Variants in CGNL1 observed in about 807,000 individuals in gnomAD.
CGNL1 encodes cingulin like 1.
Under a neutral mutation model 141.2 loss-of-function variants are expected in CGNL1, and 132 were observed. The ratio of observed to expected loss-of-function variants is 0.93; its 90% CI spans 0.81 to 1.08. The LOEUF is 1.08. CGNL1 is among the 50% of genes least tolerant of loss of function. The probability of loss-of-function intolerance (pLI) is 0.00; values close to 1 mark genes in which losing one functional copy is unlikely to be tolerated. For synonymous variants in CGNL1, 690 were observed against 622.1 expected (o/e 1.11, Z -1.63); for missense variants, 1,870 against 1,588.6 (o/e 1.18, Z -3.01).
intron 15 of CGNL1, 32 bp downstream of exon 15, chr15:57,543,811 C>G (rs145550987): frequency 1.0e-5 from 16 of 1,526,338 alleles, no homozygotes; most frequent in Middle Eastern, 1.8e-4. Flanking sequence ...GCTGCCCCCC[C>G]GTCCATCCGC....
intron 15 of CGNL1, 29 bp downstream of exon 15, chr15:57,543,808 C>A: frequency 6.5e-7 from 1 of 1,544,246 alleles, no homozygotes; most frequent in African/African-American, 1.4e-5. Context: ...TGAGCTGCCC[C>A]CCCGTCCATC....
chr15:57,437,907 C>T, intron 1 of CGNL1, 78 bp from the exon 2 acceptor site: 1 of 1,295,554 alleles, frequency 7.7e-7, no homozygotes, highest in Non-Finnish European at 1.1e-6. Flanking sequence ...GTTTCCCCTT[C>T]CTAATTATTT....
In CGNL1 at chr15:57,528,776, C is replaced by G; in HGVS notation, c.3162C>G (p.His1054Gln). Residue 1054 changes from histidine to glutamine, a missense_variant, in exon 13 of 19, where the codon CAC becomes CAG. Coordinates refer to ENST00000281282, the MANE Select transcript of CGNL1 (RefSeq NM_032866.5). ...DLEYELEAKS[H>Q]LKDDRSRLVK... ...AGTATGAGCTGGAAGCCAAGAGTCA[C>G]CTCAAAGATGACCGCAGCAGGCTGG... is the stretch of plus-strand genomic sequence containing the variant. The G allele has an allele frequency of 2.5e-6, 4 of 1,614,106 alleles. No individual in the cohort carries two copies. Among genetic ancestry groups the G allele is most frequent in the Non-Finnish European group, 3.4e-6 (4 of 1,180,022 alleles).
At chr15:57,393,874 C>G (rs1264451455) in intron 1 of CGNL1, 3 of 151,294 alleles carry the variant, frequency 2.0e-5, no homozygotes, top group Non-Finnish European at 2.9e-5. Flanking sequence ...GATACTAACA[C>G]TTCTATGTCA....
At chr15:57,520,306 A>G (rs1280360) in intron 10 of CGNL1, among the ~76,000 whole-genome samples, 135,773 of 152,260 alleles carry the variant, frequency 0.89, 60,599 homozygotes, top group South Asian at 0.92. Flanking sequence ...TACTCTTTCT[A>G]TGCACCTCTC....
chr15:57,411,413 G>A (rs942664724), intron 1 of CGNL1, among the ~76,000 whole-genome samples: 2 of 151,758 alleles, frequency 1.3e-5, no homozygotes, highest in Non-Finnish European at 2.9e-5. Flanking sequence ...GCCATGCACT[G>A]TCCAGATGCC....
At chr15:57,417,986 G>C (rs2062868811) in intron 1 of CGNL1, among the ~76,000 whole-genome samples, 1 of 152,140 alleles carries the variant, frequency 6.6e-6, no homozygotes, top group Admixed American at 6.5e-5. Context: ...GAACAGGGGT[G>C]GAGGTGGCTT....
chr15:57,516,617 G>T (rs759279318), intron 8 of CGNL1, among the ~76,000 whole-genome samples, 163 bp from the exon 9 acceptor site: 2 of 152,210 alleles, frequency 1.3e-5, no homozygotes, highest in Non-Finnish European at 2.9e-5. Context: ...ACAGGTGAGG[G>T]GCTGGGTTTG....
At chr15:57,404,361 G>A (rs1333137350) in intron 1 of CGNL1, among the ~76,000 whole-genome samples, 4 of 152,138 alleles carry the variant, frequency 2.6e-5, no homozygotes, top group African/African-American at 9.7e-5. Flanking sequence ...TTTTTAAAAT[G>A]TTTTATAGCT....
At chr15:57,531,577 T>G (rs531571525) in intron 13 of CGNL1, 113 bp from the exon 14 acceptor site, 74 of 704,360 alleles carry the variant, frequency 1.1e-4, no homozygotes, top group African/African-American at 1.8e-4. Context: ...TTCCAAACTC[T>G]AATGGTAGTT....
At chr15:57,381,863 A>T (rs1160396975) in intron 1 of CGNL1, among the ~76,000 whole-genome samples, 9 of 152,156 alleles carry the variant, frequency 5.9e-5, no homozygotes, top group Non-Finnish European at 8.8e-5. Flanking sequence ...GGCCACTGCG[A>T]CCTTGTGATC....
chr15:57,461,091 G>A (rs573225112), intron 7 of CGNL1, among the ~76,000 whole-genome samples: 1 of 152,308 alleles, frequency 6.6e-6, no homozygotes, highest in East Asian at 1.9e-4. Flanking sequence ...CTCAGGTAAT[G>A]TGATTTATAG....
At chr15:57,525,781 C>T (rs2061481680) in intron 12 of CGNL1, among the ~76,000 whole-genome samples, 1 of 152,000 alleles carries the variant, frequency 6.6e-6, no homozygotes, top group African/African-American at 2.4e-5. Context: ...CTAGAACACT[C>T]TTGAAAGGCC....
rs1242910761 is a variant in CGNL1, at chr15:57,513,765, G to A, written c.2404-3015G>A. On this transcript the variant is annotated intron_variant, in intron 8 of 18. Transcript: ENST00000281282. ...TCAAACTCCTGACCTCAGGTGATCT[G>A]CCCGCCTCGGCCTCCCAAAGTGCTG... Among the ~76,000 whole-genome samples the A allele has an allele frequency of 2.0e-5, 3 of 152,078 alleles. No individual in the cohort carries two copies. The East Asian group carries it at 5.8e-4, about 29-fold the overall frequency.
intron 1 of CGNL1, among the ~76,000 whole-genome samples, chr15:57,395,241 C>T (rs1301701374): frequency 6.6e-6 from 1 of 152,248 alleles, no homozygotes; most frequent in Non-Finnish European, 1.5e-5. Context: ...AGTTAGTTGT[C>T]TCTTCTGTTT....
At chr15:57,390,734 C>T (rs1307021158) in intron 1 of CGNL1, among the ~76,000 whole-genome samples, 2 of 152,102 alleles carry the variant, frequency 1.3e-5, no homozygotes, top group South Asian at 2.1e-4. Context: ...CGCTGCCTCT[C>T]GGCTGGCTGG....
intron 14 of CGNL1, among the ~76,000 whole-genome samples, chr15:57,536,746 CCTCA>C (rs1425562924): frequency 2.0e-5 from 3 of 152,134 alleles, no homozygotes; most frequent in Non-Finnish European, 4.4e-5. Context: ...GTGCTGGGTG[CCTCA>C]CTCACTTTCT....
At chr15:57,405,826 CTTTT>C (rs10590305) in intron 1 of CGNL1, 1 of 94,122 alleles carries the variant, frequency 1.1e-5, no homozygotes, top group Non-Finnish European at 2.2e-5. Context: ...TTCTTTCTTT[CTTTT>C]TCTTTCTTTT....
At chr15:57,416,207 T>C (rs1194338413) in intron 1 of CGNL1, among the ~76,000 whole-genome samples, 1 of 141,694 alleles carries the variant, frequency 7.1e-6, no homozygotes, top group African/African-American at 2.6e-5. Flanking sequence ...GTTTTTTTTT[T>C]TTTTTTTTAA....
Sources: allele counts gnomAD v4.1 joint callset (sites outside exome capture counted in the v4.1 genomes callset), GRCh38; gene constraint gnomAD v4.1.1; transcripts MANE v1.5; gene names NCBI Gene and HGNC (gene_info 2026-07-23, HGNC 2026-07-21).